ATXN7: variants seen among roughly 807,000 people sequenced by gnomAD.
ATXN7 encodes the protein ataxin 7.
Under a neutral mutation model 70.5 loss-of-function variants are expected in ATXN7, and 12 were observed. The observed-to-expected ratio is 0.17, with a 90% confidence interval of 0.11 to 0.28. The LOEUF is 0.28. Among genes scored for constraint, ATXN7 ranks in the 10% least tolerant of loss-of-function variants. The probability of loss-of-function intolerance (pLI) is 1.00; values close to 1 mark genes in which losing one functional copy is unlikely to be tolerated. For missense variants in ATXN7, 1,256 were observed against 1,131.7 expected (o/e 1.11, Z -1.58); for synonymous variants, 498 against 448.7 (o/e 1.11, Z -1.39).
At chr3:63,946,441 C>T (rs1176930679) in intron 4 of ATXN7, among the ~76,000 whole-genome samples, 2 of 152,014 alleles carry the variant, frequency 1.3e-5, no homozygotes, top group Non-Finnish European at 2.9e-5. Context: ...AGATTGAGAC[C>T]ATCCTGGCTA....
intron 4 of ATXN7, among the ~76,000 whole-genome samples, chr3:63,945,970 G>A (rs1490918768): frequency 6.6e-6 from 1 of 152,180 alleles, no homozygotes; most frequent in African/African-American, 2.4e-5. Flanking sequence ...ATGCAGAGAG[G>A]CAGGGCCAAG....
chr3:63,909,012 C>T (rs1453162124), intron 2 of ATXN7, among the ~76,000 whole-genome samples: 7 of 152,198 alleles, frequency 4.6e-5, no homozygotes, highest in Non-Finnish European at 8.8e-5. Context: ...CTACTTACTA[C>T]TTTTCTCACA....
At chr3:63,903,978 T>C (rs1703743041) in intron 2 of ATXN7, 1 of 152,232 alleles carries the variant, frequency 6.6e-6, no homozygotes, top group South Asian at 2.1e-4. Context: ...ACTGTACATT[T>C]AATGGTTTTT....
chr3:63,988,400 C>A lies in ATXN7; in HGVS notation c.1361+76C>A. The A allele has an allele frequency of 2.6e-6, 4 of 1,560,600 alleles. No homozygotes were observed. The South Asian group carries it at 3.5e-5, about 14-fold the overall frequency. The stretch of plus-strand genomic sequence containing the variant: ...AGATACTGTAAAATTTCAGTATGGT[C>A]ATGCTGTTGAGAAACATATCTCAGG... On this transcript the variant is annotated intron_variant, in intron 9 of 12. Transcript: ENST00000674280.
chr3:63,978,014 T>C (rs552736596), intron 5 of ATXN7, among the ~76,000 whole-genome samples: 14 of 152,358 alleles, frequency 9.2e-5, no homozygotes, highest in African/African-American at 3.4e-4. Context: ...TAGTGCCTTG[T>C]AGCAGGCAGT....
At position 63,875,675 on chromosome 3, in the gene ATXN7, C is replaced by T. The variant is rs80297158; in HGVS notation, c.-111+11517C>T. ...ATTACCACTTTGTGATGTAGTCACT[C>T]GTCCTTTCAGCCCCTGGACTCTTCT... On this transcript the variant is annotated intron_variant, in intron 1 of 12. Coordinates refer to ENST00000674280, the MANE Select transcript of ATXN7 (RefSeq NM_001377405.1). Among the ~76,000 whole-genome samples the T allele has an allele frequency of 3.1e-3, 478 of 152,250 alleles. 3 individuals are homozygous for T. The highest frequency in any genetic ancestry group is 0.011 in the African/African-American group (446 of 41,538).
chr3:63,913,093 T>G, intron 3 of ATXN7, 64 bp from the exon 4 acceptor site: 1 of 1,550,362 alleles, frequency 6.5e-7, no homozygotes, highest in Non-Finnish European at 8.9e-7. Context: ...CGTGCGTGAG[T>G]GTGCGTCACA....
intron 11 of ATXN7, among the ~76,000 whole-genome samples, chr3:63,993,192 A>G (rs970473586): frequency 2.6e-5 from 4 of 151,184 alleles, no homozygotes; most frequent in African/African-American, 9.8e-5. Flanking sequence ...TCTGTGAACT[A>G]CTTGTCCTCT....
chr3:63,964,663 C>T (rs1013585414), intron 5 of ATXN7, among the ~76,000 whole-genome samples: 6 of 152,152 alleles, frequency 3.9e-5, no homozygotes, highest in Non-Finnish European at 5.9e-5. Context: ...GTGAATTATC[C>T]CCATTTAAAT....
intron 4 of ATXN7, among the ~76,000 whole-genome samples, chr3:63,950,647 T>C (rs1249832658): frequency 5.9e-5 from 9 of 152,220 alleles, no homozygotes; most frequent in Admixed American, 5.2e-4. Context: ...TGAAATGTCA[T>C]GTCAAGAAAC....
intron 4 of ATXN7, among the ~76,000 whole-genome samples, chr3:63,932,303 A>G (rs2074562424): frequency 6.6e-6 from 1 of 152,216 alleles, no homozygotes. Flanking sequence ...CTGCATTAAA[A>G]GTTAAGAGTC....
intron 5 of ATXN7, among the ~76,000 whole-genome samples, chr3:63,961,174 A>G (rs552015218): frequency 1.3e-5 from 2 of 152,214 alleles, no homozygotes; most frequent in East Asian, 1.9e-4. Context: ...ATATTTACCA[A>G]TGTATTTTTT....
At chr3:63,957,800 T>G (rs2075063324) in intron 5 of ATXN7, among the ~76,000 whole-genome samples, 1 of 152,370 alleles carries the variant, frequency 6.6e-6, no homozygotes, top group African/African-American at 2.4e-5. Flanking sequence ...TACTCCATAT[T>G]GTTGGGAAAT....
chr3:63,913,037 C>G (rs933212191), intron 3 of ATXN7, 114 bp downstream of exon 3: 2 of 1,297,044 alleles, frequency 1.5e-6, no homozygotes, highest in African/African-American at 1.5e-5. Flanking sequence ...GAGATGCTAT[C>G]GTTTGCTGGG....
intron 4 of ATXN7, among the ~76,000 whole-genome samples, chr3:63,943,974 G>A (rs2074814130): frequency 1.3e-5 from 2 of 152,154 alleles, no homozygotes; most frequent in Admixed American, 6.5e-5. Context: ...CTTGCTAAAA[G>A]TTGTAGGTTG....
At chr3:63,939,899 A>G (rs1207175486) in intron 4 of ATXN7, among the ~76,000 whole-genome samples, 1 of 152,008 alleles carries the variant, frequency 6.6e-6, no homozygotes, top group Admixed American at 6.6e-5. Context: ...GAAAAGCCCC[A>G]TTCTCAGGAC....
intron 5 of ATXN7, among the ~76,000 whole-genome samples, chr3:63,952,829 A>G (rs1260482766): frequency 3.4e-5 from 3 of 89,410 alleles, no homozygotes; most frequent in South Asian, 3.3e-4. Flanking sequence ...ATATGGATGC[A>G]TGGGCCTTTT....
chr3:63,946,695 A>G (rs2074870461), intron 4 of ATXN7, among the ~76,000 whole-genome samples: 1 of 151,746 alleles, frequency 6.6e-6, no homozygotes, highest in Admixed American at 6.6e-5. Flanking sequence ...TCTGAGAATG[A>G]CAGGAGACTT....
Position 63,879,516 on chromosome 3 carries a change from C to G in ATXN7, c.-111+15358C>G, listed in dbSNP as rs750230675. Among the ~76,000 whole-genome samples, 108 of 139,630 alleles carry G rather than the reference C, an allele frequency of 7.7e-4. 1 individual carries two copies. Among genetic ancestry groups the G allele is most frequent in the Non-Finnish European group, 1.4e-3 (95 of 65,750 alleles). The allele number at this position is 139,630 out of a possible 152,430, so 91.6% of individuals were successfully genotyped here. On this transcript the variant is annotated intron_variant, in intron 1 of 12. Transcript: ENST00000674280. ...TTTTTTTTTTTTTTTTAAATAGAGTCTTGCTCTGTCACCCAGGCTAAATGA... is the reference window on the plus strand; with the variant it reads ...TTTTTTTTTTTTTTTTAAATAGAGTGTTGCTCTGTCACCCAGGCTAAATGA...
Sources: allele counts gnomAD v4.1 joint callset (sites outside exome capture counted in the v4.1 genomes callset), GRCh38; gene constraint gnomAD v4.1.1; transcripts MANE v1.5; gene names NCBI Gene and HGNC (gene_info 2026-07-23, HGNC 2026-07-21).